The following TTLL11 variants were observed in gnomAD, a reference collection of about 807,000 sequenced individuals.
The protein encoded by TTLL11 is tubulin polyglutamylase TTLL11.
A neutral mutation model predicts 51.7 loss-of-function variants in TTLL11; 42 were observed. The observed-to-expected ratio is 0.81, with a 90% CI of 0.64 to 1.05. The LOEUF is 1.05. Ranked by LOEUF, TTLL11 falls within the 50% of genes least tolerant of loss-of-function variation. The pLI is 0.00. For missense variants in TTLL11, 799 were observed against 940.4 expected (o/e 0.85, Z 1.97); for synonymous variants, 381 against 383.5 (o/e 0.99, Z 0.08).
chr9:121,928,069 A>G (rs1406712951), intron 6 of TTLL11, among the ~76,000 whole-genome samples: 1 of 152,190 alleles, frequency 6.6e-6, no homozygotes, highest in African/African-American at 2.4e-5. Flanking sequence ...AGCCACAATC[A>G]TAAAGTATCT....
chr9:121,824,174 C>T lies in TTLL11; in HGVS notation c.1841-1295G>A, dbSNP rs77366804. 9.5e-3 allele frequency among the ~76,000 whole-genome samples: 1,444 copies of T among 152,254 alleles called. 28 individuals carry two copies. The highest frequency in any genetic ancestry group is 0.033 in the African/African-American group (1,381 of 41,544). On this transcript the variant is annotated intron_variant, in intron 8 of 8. Transcript: ENST00000321582. ...TGAGGTAAATATTATTATGCCCCAT[C>T]TTACAGATTAAGAAACTGATGGCAG...
intron 6 of TTLL11, among the ~76,000 whole-genome samples, chr9:121,959,501 T>G (rs2131621653): frequency 6.6e-6 from 1 of 152,326 alleles, no homozygotes; most frequent in South Asian, 2.1e-4. Flanking sequence ...TTGCTGAACC[T>G]GGGCCCCTTT....
intron 7 of TTLL11, among the ~76,000 whole-genome samples, chr9:121,862,430 C>T: frequency 6.6e-6 from 1 of 152,208 alleles, no homozygotes; most frequent in Admixed American, 6.5e-5. Flanking sequence ...GGTAGGCCCA[C>T]AGCAATTGTG....
At chr9:121,981,096 T>C (rs1409652647) in intron 4 of TTLL11, among the ~76,000 whole-genome samples, 1 of 152,040 alleles carries the variant, frequency 6.6e-6, no homozygotes, top group African/African-American at 2.4e-5. Context: ...TATAGTTTTT[T>C]TTCAAATTTG....
chr9:121,853,610 A>G lies in TTLL11; in HGVS notation c.1840+6727T>C, dbSNP rs1837731708. ...CCCCTGGGGTTGGAATTGTGAGACC[A>G]GTGACTGCAGGCAGCTGGGGGCCGG... On this transcript the variant is annotated intron_variant, in intron 8 of 8. Transcript: ENST00000321582. The surrounding 1 kb of genome is among the most constrained non-coding windows in gnomAD (Gnocchi z 5.6). Among the ~76,000 whole-genome samples, 1 of 152,146 alleles carries G rather than the reference A, an allele frequency of 6.6e-6. No individual in the cohort carries two copies. The highest frequency in any genetic ancestry group is 1.9e-4 in the East Asian group (1 of 5,184).
intron 6 of TTLL11, among the ~76,000 whole-genome samples, chr9:121,971,745 G>GTAAAAAA (rs1298117758): frequency 1.7e-5 from 1 of 57,320 alleles, no homozygotes; most frequent in Admixed American, 1.8e-4. Context: ...CTCTGCCTTG[G>GTAAAAAA]GAAAAAAAAA....
chr9:122,077,543 A>G (rs1227900901), intron 1 of TTLL11, among the ~76,000 whole-genome samples: 1 of 152,172 alleles, frequency 6.6e-6, no homozygotes, highest in East Asian at 1.9e-4. Context: ...ATTAAAAAAG[A>G]TATGAAATCA....
chr9:121,873,642 C>CTTCTTCTTCTTCT (rs1564282907), intron 6 of TTLL11, among the ~76,000 whole-genome samples: 6 of 133,998 alleles, frequency 4.5e-5, no homozygotes, highest in Non-Finnish European at 7.8e-5. Flanking sequence ...TCCTCCTCCT[C>CTTCTTCTTCTTCT]TCTTCTTCTT....
intron 8 of TTLL11, among the ~76,000 whole-genome samples, chr9:121,857,260 C>A (rs1215167156): frequency 6.6e-6 from 1 of 152,232 alleles, no homozygotes; most frequent in Admixed American, 6.5e-5. Flanking sequence ...TTTATCCTCC[C>A]GCTGCTGCCG....
intron 6 of TTLL11, among the ~76,000 whole-genome samples, chr9:121,899,365 G>GTGTGTATATATACATATATATA (rs1226221957): frequency 4.4e-5 from 5 of 113,230 alleles, no homozygotes; most frequent in Non-Finnish European, 9.0e-5. Flanking sequence ...ATGTGTGTGT[G>GTGTGTATATATACATATATATA]TATATATATA....
chr9:121,826,458 T>C (rs1836777439), intron 8 of TTLL11, among the ~76,000 whole-genome samples: 2 of 67,722 alleles, frequency 3.0e-5, no homozygotes, highest in East Asian at 6.4e-4. Flanking sequence ...AAACCATATA[T>C]ATATGTGTGT....
chr9:121,850,739 C>T (rs1197853475), intron 8 of TTLL11, among the ~76,000 whole-genome samples: 1 of 152,114 alleles, frequency 6.6e-6, no homozygotes, highest in Non-Finnish European at 1.5e-5. Flanking sequence ...ACAGACACAC[C>T]CAGAACTAAT....
intron 6 of TTLL11, chr9:121,963,503 C>T (rs1842303159): frequency 6.6e-6 from 1 of 152,216 alleles, no homozygotes; most frequent in African/African-American, 2.4e-5. Flanking sequence ...GAAGGGCCCA[C>T]AAAGAATTCA....
chr9:121,999,524 G>A (rs534342961), intron 3 of TTLL11, among the ~76,000 whole-genome samples: 4 of 152,182 alleles, frequency 2.6e-5, no homozygotes, highest in Middle Eastern at 3.4e-3. Flanking sequence ...TTCTCCATCT[G>A]AACACACCTT....
At chr9:121,907,122 C>T (rs889486892) in intron 6 of TTLL11, among the ~76,000 whole-genome samples, 8 of 152,104 alleles carry the variant, frequency 5.3e-5, no homozygotes, top group South Asian at 2.1e-4. Context: ...TGCCCATGTT[C>T]GTCCTCCTTT....
At chr9:121,826,875 G>A (rs1034698898) in intron 8 of TTLL11, among the ~76,000 whole-genome samples, 6 of 152,064 alleles carry the variant, frequency 3.9e-5, no homozygotes, top group Admixed American at 1.3e-4. Context: ...CGACTGGGCT[G>A]AGAGCAGGGA....
rs1043611333 is a variant in TTLL11, at chr9:121,860,202, T to C, written c.1840+135A>G. 4.6e-6 allele frequency: 3 copies of C among 649,156 alleles called. No individual in the cohort carries two copies. The African/African-American group carries it at 5.5e-5, about 12-fold the overall frequency. The allele number at this position is 649,156 out of a possible 1,614,324, so 40.2% of individuals were successfully genotyped here. A position where few individuals can be genotyped will look rare whatever the true frequency, so the allele number is the denominator to read the frequency against. On this transcript the variant is annotated intron_variant, in intron 8 of 8. Coordinates refer to ENST00000321582, the MANE Select transcript of TTLL11 (RefSeq NM_001139442.2). ...GCTCCAGCATTTAAATTCAGCTCAATCCCTGGGATTATGTCTAGATCTGAT... is the reference window on the plus strand; with the variant it reads ...GCTCCAGCATTTAAATTCAGCTCAACCCCTGGGATTATGTCTAGATCTGAT...
intron 6 of TTLL11, among the ~76,000 whole-genome samples, chr9:121,895,096 TAAAG>T (rs1213791043): frequency 1.3e-5 from 2 of 152,322 alleles, no homozygotes; most frequent in Non-Finnish European, 2.9e-5. Flanking sequence ...GGGGACTAAA[TAAAG>T]ATATATCTTT....
intron 1 of TTLL11, among the ~76,000 whole-genome samples, chr9:122,054,345 G>T (rs10985511): frequency 1.3e-5 from 2 of 151,896 alleles, no homozygotes; most frequent in Non-Finnish European, 2.9e-5. Flanking sequence ...TAATTTCAGC[G>T]TACCATAGCA....
Sources: gnomAD v4.1 joint callset for allele counts (sites outside exome capture counted in the v4.1 genomes callset) on GRCh38, gnomAD v4.1.1 for gene constraint, Gnocchi (gnomAD v3.1) non-coding constraint, MANE v1.5 for transcripts, NCBI Gene and HGNC (gene_info 2026-07-23, HGNC 2026-07-21) for gene names.